Variants in CNGB1 observed in about 807,000 individuals in gnomAD.
The protein encoded by CNGB1 is cyclic nucleotide-gated channel beta-1.
A neutral mutation model predicts 151.7 loss-of-function variants in CNGB1; 126 were observed. That is an observed-to-expected ratio of 0.83 (90% CI 0.72 to 0.96). The LOEUF (loss-of-function observed/expected upper bound fraction) is 0.96, where lower values mean the gene tolerates loss of function less well. Ranked by LOEUF, CNGB1 falls within the 40% of genes least tolerant of loss-of-function variation. The pLI is 0.00. For missense variants in CNGB1, 1,698 were observed against 1,627.0 expected, an observed-to-expected ratio of 1.04 and a Z score of -0.75; for synonymous variants, 623 against 635.1, an observed-to-expected ratio of 0.98 and a Z score of 0.29.
rs534177720 is a variant in CNGB1, at chr16:57,958,324, A to G, written c.837+86T>C. 6.6e-6 allele frequency: 5 copies of G among 762,044 alleles called. No individual in the cohort carries two copies. The African/African-American group carries it at 2.6e-4, about 39-fold the overall frequency. 47.2% of individuals were successfully genotyped at this position (762,044 alleles called of 1,614,324 possible). Reference sequence around the variant, plus strand: ...GCTGGGGGAGCTGGGCTTCTGCCACAGGGCCAACCATCCTCCTCCTTACCC... The same window carrying G: ...GCTGGGGGAGCTGGGCTTCTGCCACGGGGCCAACCATCCTCCTCCTTACCC... On this transcript the variant is annotated intron_variant, in intron 11 of 32. Coordinates refer to ENST00000251102, the MANE Select transcript of CNGB1 (RefSeq NM_001297.5).
chr16:57,936,641 AAGT>A (rs1231246213), intron 16 of CNGB1, among the ~76,000 whole-genome samples: 1 of 152,062 alleles, frequency 6.6e-6, no homozygotes, highest in Non-Finnish European at 1.5e-5. Flanking sequence ...AAAATACAAA[AAGT>A]AGTCAGGCGT....
chr16:57,942,698 C>CT (rs1961699769), intron 14 of CNGB1, among the ~76,000 whole-genome samples: 1 of 151,894 alleles, frequency 6.6e-6, no homozygotes, highest in Non-Finnish European at 1.5e-5. Flanking sequence ...AATCCCAACT[C>CT]TATAAGATAC....
intron 12 of CNGB1, among the ~76,000 whole-genome samples, chr16:57,952,693 G>T (rs1246435138): frequency 2.6e-5 from 4 of 151,680 alleles, no homozygotes; most frequent in African/African-American, 9.7e-5. Flanking sequence ...TAGAGATGGG[G>T]TTTCACCGTA....
Position 57,960,071 on chromosome 16 carries a change from C to T in CNGB1, c.584-6G>A, listed in dbSNP as rs966650511. 16 of 1,547,580 alleles carry T rather than the reference C, an allele frequency of 1.0e-5. No homozygotes were observed. The highest frequency in any genetic ancestry group is 1.2e-5 in the Non-Finnish European group (14 of 1,151,790). On this transcript the variant is annotated splice_polypyrimidine_tract_variant and splice_region_variant and intron_variant, in intron 9 of 32. Transcript: ENST00000251102. The stretch of plus-strand genomic sequence containing the variant: ...CTGGGGGCGTCCTGGAGGCGCTAAG[C>T]AGCGGGGAAAGCAGGAGCTAGAGAC...
chr16:57,925,980 C>T lies in CNGB1; in HGVS notation c.1536-2600G>A, dbSNP rs956977597. Among the ~76,000 whole-genome samples, 3 of 152,118 alleles carry T rather than the reference C, an allele frequency of 2.0e-5. No individual in the cohort carries two copies. The South Asian group carries it at 6.2e-4, about 32-fold the overall frequency. On this transcript the variant is annotated intron_variant, in intron 17 of 32. Transcript: ENST00000251102. ...TGGGATTACCGGCATGAGCCACCGC[C>T]CCCGGCCATGATTACTTTTTACCAG... is the stretch of plus-strand genomic sequence containing the variant.
At position 57,883,141 on chromosome 16, in the gene CNGB1, C is replaced by T. The variant is rs188497896; in HGVS notation, c.*1023G>A. The T allele has an allele frequency of 3.9e-5, 6 of 152,380 alleles. No individual in the cohort carries two copies. Among genetic ancestry groups the T allele is most frequent in the Admixed American group, 3.9e-4 (6 of 15,302 alleles). 9.4% of individuals were successfully genotyped at this position (152,380 alleles called of 1,614,324 possible). On this transcript the variant is annotated 3_prime_UTR_variant, in exon 33 of 33. Coordinates refer to ENST00000251102, the MANE Select transcript of CNGB1 (RefSeq NM_001297.5). ...GAATAGAGTCTGGGGAAGATAAGCA[C>T]TAACTACCTTAATGGGCATCTAGCC... is the stretch of plus-strand genomic sequence containing the variant.
intron 16 of CNGB1, among the ~76,000 whole-genome samples, chr16:57,933,724 C>CT (rs5817126): frequency 0.052 from 6,269 of 119,552 alleles, 444 homozygotes; most frequent in African/African-American, 0.16. Context: ...CTTTTCTTTT[C>CT]TTTTTTTTTT....
intron 31 of CNGB1, among the ~76,000 whole-genome samples, chr16:57,888,509 C>T (rs1457776286): frequency 1.3e-5 from 2 of 152,024 alleles, no homozygotes; most frequent in African/African-American, 4.8e-5. Flanking sequence ...GGCTCTGTCG[C>T]CCAGGCAGGA....
chr16:57,923,648 C>T (rs1306620191), intron 17 of CNGB1, among the ~76,000 whole-genome samples: 2 of 152,192 alleles, frequency 1.3e-5, no homozygotes, highest in Admixed American at 6.5e-5. Flanking sequence ...CCAGTCCTGC[C>T]TCTTACCTGT....
intron 17 of CNGB1, among the ~76,000 whole-genome samples, chr16:57,927,233 C>A (rs1261841684): frequency 6.6e-6 from 1 of 152,190 alleles, no homozygotes; most frequent in Non-Finnish European, 1.5e-5. Flanking sequence ...TGCCTTAAGA[C>A]CCACGTCTTA....
At position 57,882,797 on chromosome 16, in the gene CNGB1, T is replaced by C. The variant is rs1959792443; in HGVS notation, c.*1367A>G. 2.1e-5 allele frequency: 3 copies of C among 140,000 alleles called. No homozygotes were observed. Among genetic ancestry groups the C allele is most frequent in the Non-Finnish European group, 4.7e-5 (3 of 63,916 alleles). The allele number at this position is 140,000 out of a possible 1,614,324, so 8.7% of individuals were successfully genotyped here. A position where few individuals can be genotyped will look rare whatever the true frequency, so the allele number is the denominator to read the frequency against. ...ACCCTTTTTTCTTTTTTTTTCTTTT[T>C]TCTTTTTTTTTTTTTGTCTGAATCA... On this transcript the variant is annotated 3_prime_UTR_variant, in exon 33 of 33. Coordinates refer to ENST00000251102, the MANE Select transcript of CNGB1 (RefSeq NM_001297.5).
chr16:57,888,110 C>T (rs1372306085), intron 31 of CNGB1, 36 bp from the exon 32 acceptor site: 1 of 1,597,550 alleles, frequency 6.3e-7, no homozygotes, highest in East Asian at 2.2e-5. Context: ...ATCACAGACG[C>T]ACTCTGGGGG....
chr16:57,922,553 C>T (rs1961069341), intron 18 of CNGB1, among the ~76,000 whole-genome samples: 1 of 152,014 alleles, frequency 6.6e-6, no homozygotes. Flanking sequence ...CTCAGCCTCC[C>T]AGGTAGCTGG....
intron 27 of CNGB1, among the ~76,000 whole-genome samples, chr16:57,902,587 A>AAAACTATTTTAC (rs1184735395): frequency 2.0e-5 from 3 of 151,374 alleles, no homozygotes; most frequent in African/African-American, 4.9e-5. Context: ...GATTACAGGC[A>AAAACTATTTTAC]TGAGCCACCG....
At chr16:57,954,625 A>T (rs545592098) in intron 12 of CNGB1, 9 of 959,408 alleles carry the variant, frequency 9.4e-6, no homozygotes, top group Non-Finnish European at 1.1e-5. Flanking sequence ...TTAAAACCTA[A>T]ACCCTTCTTT....
intron 14 of CNGB1, among the ~76,000 whole-genome samples, chr16:57,948,533 C>T (rs577054516): frequency 3.9e-5 from 6 of 152,048 alleles, no homozygotes; most frequent in African/African-American, 7.2e-5. Context: ...GCCTCCTCCT[C>T]AGTCCTTTTT....
Position 57,962,891 on chromosome 16 carries a change from C to T in CNGB1, c.382-19G>A. The stretch of plus-strand genomic sequence containing the variant: ...CCAGGATCTGCCAGGGACAGACAGA[C>T]AGACATGGGCAGGGAGCCCAAGGGC... On this transcript the variant is annotated intron_variant, in intron 5 of 32. Coordinates refer to ENST00000251102, the MANE Select transcript of CNGB1 (RefSeq NM_001297.5). 6.2e-7 allele frequency: 1 copy of T among 1,612,530 alleles called. No individual in the cohort carries two copies. Among genetic ancestry groups the T allele is most frequent in the Non-Finnish European group, 8.5e-7 (1 of 1,180,028 alleles).
In CNGB1 at chr16:57,888,018, G is replaced by A. The variant is rs1959981748; in HGVS notation, c.3299C>T (p.Pro1100Leu). The A allele has an allele frequency of 6.2e-7, 1 of 1,614,038 alleles. No individual in the cohort carries two copies. The highest frequency in any genetic ancestry group is 8.5e-7 in the Non-Finnish European group (1 of 1,180,020). The change falls in exon 32 of 33, where the codon CCA becomes CTA. Residue 1100 changes from proline to leucine, a missense_variant. Coordinates refer to ENST00000251102, the MANE Select transcript of CNGB1 (RefSeq NM_001297.5). ...PKEEKSVLIL[P>L]PRAGTPKLFN... The stretch of plus-strand genomic sequence containing the variant: ...GAGCTTTGGGGTGCCCGCCCGGGGT[G>A]GAAGGATCAGCACGCTCTTCTCCTC...
At chr16:57,904,690 C>T (rs747727289) in intron 26 of CNGB1, 44 bp downstream of exon 26, 7 of 1,613,136 alleles carry the variant, frequency 4.3e-6, no homozygotes, top group Admixed American at 3.3e-5. Flanking sequence ...GGGAGGGGGC[C>T]CTGCAGTCAG....
Sources: allele counts gnomAD v4.1 joint callset (sites outside exome capture counted in the v4.1 genomes callset), GRCh38; gene constraint gnomAD v4.1.1; transcripts MANE v1.5; gene names NCBI Gene and HGNC (gene_info 2026-07-23, HGNC 2026-07-21).